The following SNX25 variants were observed in gnomAD, a reference collection of about 807,000 sequenced individuals.
SNX25 encodes sorting nexin-25.
Under a neutral mutation model 113.7 loss-of-function variants are expected in SNX25, and 62 were observed. The observed-to-expected ratio is 0.55, with a 90% CI of 0.44 to 0.67. SNX25 has a LOEUF of 0.67. Ranked by LOEUF, SNX25 falls within the 30% of genes least tolerant of loss-of-function variation. SNX25 has a pLI of 0.00. For missense variants in SNX25, 1,014 were observed against 1,161.0 expected (o/e 0.87, Z 1.84); for synonymous variants, 421 against 436.2 (o/e 0.97, Z 0.43).
In SNX25 at chr4:185,363,287, A is replaced by T. The variant is rs1209603050; in HGVS notation, c.2935-98A>T. On this transcript the variant is annotated intron_variant, in intron 18 of 18. Transcript: ENST00000652585. This position sits in a 1 kb window ranked among gnomAD's most constrained non-coding sequence, Gnocchi z 4.2. ...TACTTGTTTACTGAGATAATTTCAGACCTAAAATTAGACTTTTCTCTTAGA... is the reference window on the plus strand; with the variant it reads ...TACTTGTTTACTGAGATAATTTCAGTCCTAAAATTAGACTTTTCTCTTAGA... 8.6e-6 allele frequency: 9 copies of T among 1,051,826 alleles called. No individual in the cohort carries two copies. The South Asian group carries it at 1.1e-4, about 13-fold the overall frequency. The allele number at this position is 1,051,826 out of a possible 1,614,324, so 65.2% of individuals were successfully genotyped here. A position where few individuals can be genotyped will look rare whatever the true frequency, so the allele number is the denominator to read the frequency against.
intron 1 of SNX25, among the ~76,000 whole-genome samples, chr4:185,241,259 C>T (rs908897925): frequency 3.3e-5 from 5 of 152,256 alleles, no homozygotes; most frequent in East Asian, 1.9e-4. Flanking sequence ...GCGGATCACT[C>T]GCGGTTAGGA....
intron 16 of SNX25, 53 bp from the exon 17 acceptor site, chr4:185,361,871 T>G: frequency 6.4e-7 from 1 of 1,568,180 alleles, no homozygotes. Context: ...CTTTTGAGAA[T>G]AGAGTACACA....
In SNX25 at chr4:185,210,015, G is replaced by A. The variant is rs1303856706; in HGVS notation, c.189G>A (p.Val63=). 1.7e-5 allele frequency: 17 copies of A among 983,832 alleles called. No individual in the cohort carries two copies. Among genetic ancestry groups the A allele is most frequent in the African/African-American group, 3.5e-5 (2 of 56,994 alleles). The allele number at this position is 983,832 out of a possible 1,614,324, so 60.9% of individuals were successfully genotyped here. The change falls in exon 1 of 19, where the codon GTG becomes GTA. Residue 63 remains valine, a synonymous_variant. Transcript: ENST00000652585. This position sits in a 1 kb window ranked among gnomAD's most constrained non-coding sequence, Gnocchi z 4.4. Reference sequence around the variant, plus strand: ...GGAGCTGGTGGAAGCCCGTGGCGGTGGCCGCACTCGCCGCCGTGGCCCTCT... The same window carrying A: ...GGAGCTGGTGGAAGCCCGTGGCGGTAGCCGCACTCGCCGCCGTGGCCCTCT... ...GGRSWWKPVA[V]AALAAVALSF... is the part of the protein sequence containing the mutation.
chr4:185,340,717 T>G (rs529850835), intron 11 of SNX25, among the ~76,000 whole-genome samples: 212 of 152,170 alleles, frequency 1.4e-3, no homozygotes, highest in African/African-American at 5.0e-3. Context: ...AAAATCATCT[T>G]CCAAAGGCAG....
At chr4:185,207,063 C>T (rs931633964), upstream of SNX25, among the ~76,000 whole-genome samples, 11 of 152,218 alleles carry the variant, frequency 7.2e-5, no homozygotes, top group South Asian at 8.3e-4. Context: ...GCTGATTGGA[C>T]GGTTGCCCAC....
chr4:185,317,136 A>T (rs1233251327), intron 7 of SNX25, among the ~76,000 whole-genome samples: 1 of 152,198 alleles, frequency 6.6e-6, no homozygotes, highest in African/African-American at 2.4e-5. Flanking sequence ...AGAAAAAAAC[A>T]ACCCCATCAA....
chr4:185,325,804 A>G (rs1288573), intron 9 of SNX25, among the ~76,000 whole-genome samples: 67,255 of 151,990 alleles, frequency 0.44, 19,345 homozygotes, highest in African/African-American at 0.83. Context: ...TGGCCTGTCA[A>G]AAAGTGACAT....
upstream of SNX25, among the ~76,000 whole-genome samples, chr4:185,206,813 T>A (rs890241327): frequency 6.6e-6 from 1 of 152,188 alleles, no homozygotes; most frequent in Non-Finnish European, 1.5e-5. Context: ...TGATACACCC[T>A]TCGCCGGCTG....
intron 6 of SNX25, among the ~76,000 whole-genome samples, chr4:185,299,451 C>T (rs1387135342): frequency 6.6e-6 from 1 of 152,122 alleles, no homozygotes; most frequent in Admixed American, 6.6e-5. Context: ...ATTGCTCACC[C>T]CCAACCCCTA....
At chr4:185,204,644 T>G (rs1008669588), upstream of SNX25, among the ~76,000 whole-genome samples, 2 of 152,228 alleles carry the variant, frequency 1.3e-5, no homozygotes, top group Non-Finnish European at 1.5e-5. Flanking sequence ...TTAGCTGATG[T>G]GATTAAGGAT....
chr4:185,315,731 A>G (rs549607201), intron 7 of SNX25, among the ~76,000 whole-genome samples: 51 of 152,340 alleles, frequency 3.3e-4, no homozygotes, highest in African/African-American at 1.2e-3. Flanking sequence ...ACCAGAGGAA[A>G]AAAAAACTTC....
At chr4:185,358,346 A>C (rs1342597784) in intron 16 of SNX25, among the ~76,000 whole-genome samples, 1 of 152,202 alleles carries the variant, frequency 6.6e-6, no homozygotes, top group African/African-American at 2.4e-5. Context: ...CCAGTCTTTC[A>C]CTGAGTGTTC....
intron 1 of SNX25, among the ~76,000 whole-genome samples, chr4:185,234,400 T>TATGACTTTTGGAACCATAATA (rs1742311798): frequency 4.5e-5 from 4 of 88,710 alleles, no homozygotes; most frequent in South Asian, 3.8e-4. Context: ...AAGTTTAGGC[T>TATGACTTTTGGAACCATAATA]GGCCGGGCGC....
At chr4:185,372,879 T>C (rs572176791), downstream of SNX25, 12 of 1,608,486 alleles carry the variant, frequency 7.5e-6, no homozygotes, top group African/African-American at 1.3e-4. Context: ...CAACACACTT[T>C]GTAAAAAATT....
rs1182241509 is a variant in SNX25 at position 185,210,053 on chromosome 4, C to T, written c.227C>T (p.Pro76Leu). 37 of 983,618 alleles carry T rather than the reference C, an allele frequency of 3.8e-5. No homozygotes were observed. The highest frequency in any genetic ancestry group is 4.5e-5 in the Non-Finnish European group (37 of 829,202). 60.9% of individuals were successfully genotyped at this position (983,618 alleles called of 1,614,324 possible). A position where few individuals can be genotyped will look rare whatever the true frequency, so the allele number is the denominator to read the frequency against. The change falls in exon 1 of 19, where the codon CCC becomes CTC. Residue 76 changes from proline to leucine, a missense_variant. Transcript: ENST00000652585. The surrounding 1 kb of genome is among the most constrained non-coding windows in gnomAD (Gnocchi z 4.4). The stretch of plus-strand genomic sequence containing the variant: ...GCCGTGGCCCTCTCCTTCCTGGGGC[C>T]CGGCAGCGGGGAGGCGGCGGGGGCC... ...LAAVALSFLG[P>L]GSGEAAGAAG...
At chr4:185,376,950 T>C in the SNX25 span, 2 of 1,613,878 alleles carry the variant, frequency 1.2e-6, no homozygotes, top group Non-Finnish European at 1.7e-6. Flanking sequence ...TATGCCAGAG[T>C]GTCTCCTTTC....
At chr4:185,309,285 C>A (rs549284560) in intron 6 of SNX25, among the ~76,000 whole-genome samples, 5 of 152,258 alleles carry the variant, frequency 3.3e-5, no homozygotes, top group South Asian at 2.1e-4. Context: ...AGCTCCAAGC[C>A]CTTGGTCTTT....
rs372074998 is a variant in SNX25, at chr4:185,339,130, G to T, written c.1915-249G>T. On this transcript the variant is annotated intron_variant, in intron 10 of 18. Coordinates refer to ENST00000652585, the MANE Select transcript of SNX25 (RefSeq NM_001378034.2). ...TCTTTCCAGATATTTGTCTTCTTTA[G>T]TCTCTTTCATCAGTGTTTTGTAGTT... Among the ~76,000 whole-genome samples, 8 of 152,134 alleles carry T rather than the reference G, an allele frequency of 5.3e-5. No homozygotes were observed. The South Asian group carries it at 1.0e-3, about 20-fold the overall frequency.
the SNX25 span, chr4:185,376,800 G>T: frequency 1.4e-6 from 1 of 716,052 alleles, no homozygotes; most frequent in Non-Finnish European, 2.4e-6. Context: ...GATGTAATTG[G>T]ACAGAATTTC....
Sources: allele counts gnomAD v4.1 joint callset (sites outside exome capture counted in the v4.1 genomes callset), GRCh38; gene constraint gnomAD v4.1.1; non-coding constraint Gnocchi (gnomAD v3.1); transcripts MANE v1.5; gene names NCBI Gene and HGNC (gene_info 2026-07-23, HGNC 2026-07-21).